The following ZFPM2 variants were observed in gnomAD, a reference collection of about 807,000 sequenced individuals.
The protein encoded by ZFPM2 is zinc finger protein, FOG family member 2, also known as zinc finger protein ZFPM2.
A neutral mutation model predicts 98.6 loss-of-function variants in ZFPM2; 20 were observed. The observed-to-expected ratio is 0.20, with a 90% CI of 0.14 to 0.29. ZFPM2 has a LOEUF of 0.29. Among genes scored for constraint, ZFPM2 ranks in the 10% least tolerant of loss-of-function variants. ZFPM2 has a pLI of 1.00. For missense variants in ZFPM2, 1,310 were observed against 1,388.6 expected, an observed-to-expected ratio of 0.94 and a Z score of 0.90; for synonymous variants, 518 against 502.7, an observed-to-expected ratio of 1.03 and a Z score of -0.41.
intron 1 of ZFPM2, among the ~76,000 whole-genome samples, chr8:105,361,807 G>T (rs1812868349): frequency 6.6e-6 from 1 of 151,300 alleles, no homozygotes; most frequent in Non-Finnish European, 1.5e-5. Context: ...GGTCCCATAA[G>T]ATAATATTAC....
chr8:105,720,828 C>T (rs778005378), intron 5 of ZFPM2, among the ~76,000 whole-genome samples: 14 of 151,884 alleles, frequency 9.2e-5, no homozygotes, highest in African/African-American at 1.4e-4. Context: ...TTCCACATTT[C>T]GGATGGGCTC....
intron 5 of ZFPM2, among the ~76,000 whole-genome samples, chr8:105,730,119 A>G (rs1224884222): frequency 3.3e-5 from 5 of 151,670 alleles, no homozygotes; most frequent in Non-Finnish European, 7.4e-5. Flanking sequence ...GTCAAGAATG[A>G]TAAGACCCTG....
intron 5 of ZFPM2, among the ~76,000 whole-genome samples, chr8:105,758,501 C>A (rs1812658158): frequency 6.6e-6 from 1 of 152,140 alleles, no homozygotes; most frequent in Non-Finnish European, 1.5e-5. Context: ...CAAGGCTCTA[C>A]AATGAATATT....
chr8:105,455,990 T>C (rs1034523242), intron 3 of ZFPM2, among the ~76,000 whole-genome samples: 3 of 151,978 alleles, frequency 2.0e-5, no homozygotes, highest in Admixed American at 2.0e-4. Flanking sequence ...AATTGCCTAG[T>C]ATAGAAATAT....
chr8:105,710,219 G>A (rs1325601923), intron 5 of ZFPM2, among the ~76,000 whole-genome samples: 1 of 151,950 alleles, frequency 6.6e-6, no homozygotes, highest in African/African-American at 2.4e-5. Context: ...TCAGTGGTCT[G>A]TAAAACCAAG....
intron 1 of ZFPM2, among the ~76,000 whole-genome samples, chr8:105,398,903 G>A (rs559107393): frequency 6.6e-6 from 1 of 152,186 alleles, no homozygotes; most frequent in South Asian, 2.1e-4. Flanking sequence ...AGGATAGACT[G>A]GCTGAGGCAG....
chr8:105,408,093 T>C (rs988439795), intron 1 of ZFPM2, among the ~76,000 whole-genome samples: 15 of 151,916 alleles, frequency 9.9e-5, no homozygotes, highest in African/African-American at 3.6e-4. Context: ...GGATATTTTC[T>C]TTTTAAGATA....
intron 4 of ZFPM2, among the ~76,000 whole-genome samples, chr8:105,622,437 A>C (rs1816571027): frequency 6.6e-6 from 1 of 152,190 alleles, no homozygotes; most frequent in Non-Finnish European, 1.5e-5. Context: ...TAAATATTTT[A>C]ATATAAAATT....
At chr8:105,406,923 A>G (rs1354858032) in intron 1 of ZFPM2, among the ~76,000 whole-genome samples, 8 of 151,952 alleles carry the variant, frequency 5.3e-5, no homozygotes, top group Non-Finnish European at 1.2e-4. Context: ...AAACTCTTCC[A>G]TACGTTTTTG....
At chr8:105,614,509 T>TCATTATG (rs1816373227) in intron 4 of ZFPM2, among the ~76,000 whole-genome samples, 1 of 152,146 alleles carries the variant, frequency 6.6e-6, no homozygotes, top group African/African-American at 2.4e-5. Context: ...AATTTTAAGA[T>TCATTATG]CATTATGCAT....
chr8:105,447,477 C>T (rs1352352434), intron 3 of ZFPM2, among the ~76,000 whole-genome samples: 1 of 151,958 alleles, frequency 6.6e-6, no homozygotes, highest in East Asian at 1.9e-4. Flanking sequence ...TGAAGCCGAA[C>T]CTTTAGAGTT....
chr8:105,679,473 C>G (rs1035213710), intron 5 of ZFPM2, among the ~76,000 whole-genome samples: 3 of 152,104 alleles, frequency 2.0e-5, no homozygotes, highest in African/African-American at 7.2e-5. Context: ...CAAAGTCACT[C>G]AATTTGGAGC....
At chr8:105,370,271 A>T (rs1586322449) in intron 1 of ZFPM2, among the ~76,000 whole-genome samples, 1 of 152,226 alleles carries the variant, frequency 6.6e-6, no homozygotes, top group East Asian at 1.9e-4. Flanking sequence ...ACGATAGCTA[A>T]GTACTCAATA....
At chr8:105,561,121 T>A (rs1815125495) in intron 3 of ZFPM2, among the ~76,000 whole-genome samples, 1 of 152,190 alleles carries the variant, frequency 6.6e-6, no homozygotes, top group Admixed American at 6.6e-5. Context: ...AAGAATTGGC[T>A]TCAGTAGATG....
chr8:105,524,234 G>A (rs987472294), intron 3 of ZFPM2, among the ~76,000 whole-genome samples: 3 of 152,136 alleles, frequency 2.0e-5, no homozygotes, highest in Non-Finnish European at 4.4e-5. Flanking sequence ...TTTCTGGACA[G>A]GTTAAGGTTG....
intron 3 of ZFPM2, among the ~76,000 whole-genome samples, chr8:105,550,180 G>C (rs1814818348): frequency 6.6e-6 from 1 of 151,310 alleles, no homozygotes; most frequent in South Asian, 2.1e-4. Flanking sequence ...TGCTTTCACA[G>C]TGTTTTGTTT....
chr8:105,559,119 T>C (rs1324858859), intron 3 of ZFPM2, among the ~76,000 whole-genome samples: 1 of 152,182 alleles, frequency 6.6e-6, no homozygotes, highest in East Asian at 1.9e-4. Context: ...AAAGGGTCTG[T>C]CATTCCAATG....
At chr8:105,694,532 C>T (rs1310401680) in intron 5 of ZFPM2, among the ~76,000 whole-genome samples, 1 of 152,104 alleles carries the variant, frequency 6.6e-6, no homozygotes, top group Non-Finnish European at 1.5e-5. Flanking sequence ...GTGTTAGTAA[C>T]TCTTTATGAA....
At chr8:105,479,239 A>G (rs910810235) in intron 3 of ZFPM2, among the ~76,000 whole-genome samples, 2 of 152,150 alleles carry the variant, frequency 1.3e-5, no homozygotes, top group Non-Finnish European at 2.9e-5. Context: ...ATTTCGAGAA[A>G]ACTAACAAGA....
Sources: gnomAD v4.1 joint callset for allele counts (sites outside exome capture counted in the v4.1 genomes callset) on GRCh38, gnomAD v4.1.1 for gene constraint, MANE v1.5 for transcripts, NCBI Gene and HGNC (gene_info 2026-07-23, HGNC 2026-07-21) for gene names.